The following TXLNG variants were observed in gnomAD, a reference collection of about 807,000 sequenced individuals.
TXLNG encodes gamma-taxilin.
Under a neutral mutation model 38.8 loss-of-function variants are expected in TXLNG, and 5 were observed. The observed-to-expected ratio is 0.13, with a 90% CI of 0.07 to 0.27. The LOEUF is 0.27. Among genes scored for constraint, TXLNG ranks in the 10% least tolerant of loss-of-function variants. The pLI, the probability that TXLNG is intolerant of heterozygous loss-of-function variation, is 1.00. For missense variants in TXLNG, 393 were observed against 398.2 expected (o/e 0.99, Z 0.11); for synonymous variants, 182 against 158.2 (o/e 1.15, Z -1.13).
rs770935388 is a variant in TXLNG at position 16,826,495 on chromosome X, T to C, written c.499-1599T>C. Among the ~76,000 whole-genome samples, 8 of 111,841 alleles carry C rather than the reference T, an allele frequency of 7.2e-5. No homozygotes were observed. The South Asian group carries it at 3.0e-3, about 42-fold the overall frequency. On this transcript the variant is annotated intron_variant, in intron 3 of 9. Coordinates refer to ENST00000380122, the MANE Select transcript of TXLNG (RefSeq NM_018360.3). Reference sequence around the variant, plus strand: ...GATTTAACCTTGAAACAGACTGATTTGTTCCATACCCAAAACTGCAGCAGT... The same window carrying C: ...GATTTAACCTTGAAACAGACTGATTCGTTCCATACCCAAAACTGCAGCAGT...
intron 3 of TXLNG, among the ~76,000 whole-genome samples, chrX:16,823,134 A>G (rs1304836898): frequency 9.0e-6 from 1 of 111,300 alleles, no homozygotes; most frequent in East Asian, 2.8e-4. Flanking sequence ...TTTCCAGAAA[A>G]TGTTCTAAAG....
chrX:16,833,060 A>G (rs1332990219), intron 6 of TXLNG, among the ~76,000 whole-genome samples: 1 of 112,383 alleles, frequency 8.9e-6, no homozygotes. Context: ...CCCATCTTAG[A>G]TAATGGTCAT....
At chrX:16,789,638 C>T (rs1028158444) in intron 1 of TXLNG, among the ~76,000 whole-genome samples, 2 of 103,227 alleles carry the variant, frequency 1.9e-5, no homozygotes, top group Admixed American at 1.1e-4. Context: ...CAGGCTCATT[C>T]GTTTTACTTC....
At chrX:16,826,326 A>T (rs1480794009) in intron 3 of TXLNG, among the ~76,000 whole-genome samples, 1 of 112,295 alleles carries the variant, frequency 8.9e-6, no homozygotes, top group African/African-American at 3.2e-5. Flanking sequence ...ATATCTGTAA[A>T]TGTGGCTGTA....
chrX:16,826,553 T>A (rs1364632282), intron 3 of TXLNG, among the ~76,000 whole-genome samples: 1 of 111,864 alleles, frequency 8.9e-6, no homozygotes, highest in Non-Finnish European at 1.9e-5. Context: ...TGCTGTTTAC[T>A]GAGTTTTAGA....
At chrX:16,816,400 A>C (rs1429433306) in intron 1 of TXLNG, among the ~76,000 whole-genome samples, 1 of 112,726 alleles carries the variant, frequency 8.9e-6, no homozygotes. Context: ...AAGTCTCACT[A>C]TATTGCCCAG....
chrX:16,837,833 T>A (rs890091755), intron 8 of TXLNG, 148 bp downstream of exon 8: 6 of 378,980 alleles, frequency 1.6e-5, no homozygotes, highest in Non-Finnish European at 2.7e-5. Context: ...TTTGGTCATT[T>A]TGCCCTCAAT....
Position 16,840,539 on chromosome X carries a change from C to T in TXLNG, c.1248+623C>T, listed in dbSNP as rs749171229. 44 of 579,302 alleles carry T rather than the reference C, an allele frequency of 7.6e-5. 1 individual carries two copies. The highest frequency in any genetic ancestry group is 1.8e-4 in the South Asian group (2 of 10,957). 47.7% of individuals were successfully genotyped at this position (579,302 alleles called of 1,213,427 possible). The stretch of plus-strand genomic sequence containing the variant: ...CTGTAATCCCAGCACTTTGGGAGGC[C>T]GACGCAGGCGGATCATGAGGTCAAG... On this transcript the variant is annotated intron_variant, in intron 9 of 9. Transcript: ENST00000380122.
At chrX:16,838,973 CAG>C (rs1280407906) in intron 8 of TXLNG, among the ~76,000 whole-genome samples, 2 of 112,018 alleles carry the variant, frequency 1.8e-5, no homozygotes, top group Admixed American at 9.4e-5. Flanking sequence ...ACCCAAGGCA[CAG>C]GGCACTGGCT....
chrX:16,806,380 C>T (rs994905116), intron 1 of TXLNG, among the ~76,000 whole-genome samples: 1 of 112,645 alleles, frequency 8.9e-6, no homozygotes, highest in African/African-American at 3.2e-5. Context: ...CATGGTTGCA[C>T]ATACACTGTT....
At chrX:16,790,403 T>A (rs372058810) in intron 1 of TXLNG, among the ~76,000 whole-genome samples, 3 of 110,443 alleles carry the variant, frequency 2.7e-5, no homozygotes, top group East Asian at 5.7e-4. Flanking sequence ...GGTCCTGCTA[T>A]GTTGCCCAGG....
chrX:16,797,262 C>T (rs1337608251), intron 1 of TXLNG, among the ~76,000 whole-genome samples: 1 of 98,373 alleles, frequency 1.0e-5, no homozygotes, highest in Non-Finnish European at 2.0e-5. Context: ...CCAGCCTGGT[C>T]GACAGAGCAA....
chrX:16,824,948 G>A (rs185208269), intron 3 of TXLNG, among the ~76,000 whole-genome samples: 36 of 108,723 alleles, frequency 3.3e-4, no homozygotes, highest in African/African-American at 9.7e-4. Flanking sequence ...AAAGTGAGAC[G>A]ACATTACAAA....
In TXLNG at chrX:16,843,184, T is replaced by C. The variant is rs931154217; in HGVS notation, c.*1418T>C. 2.7e-5 allele frequency: 3 copies of C among 112,521 alleles called. No individual in the cohort carries two copies. Among genetic ancestry groups the C allele is most frequent in the African/African-American group, 9.7e-5 (3 of 31,032 alleles). 9.3% of individuals were successfully genotyped at this position (112,521 alleles called of 1,213,427 possible). On this transcript the variant is annotated 3_prime_UTR_variant, in exon 10 of 10. Transcript: ENST00000380122. ...AACTATCAGACTGACACTTGTTAAATTGCTTACTGGACTGAATAAACTCTG... is the reference window on the plus strand; with the variant it reads ...AACTATCAGACTGACACTTGTTAAACTGCTTACTGGACTGAATAAACTCTG...
chrX:16,826,842 G>A (rs746925249), intron 3 of TXLNG, among the ~76,000 whole-genome samples: 89 of 110,157 alleles, frequency 8.1e-4, no homozygotes, highest in Non-Finnish European at 1.4e-3. Context: ...TGAGGCAGGA[G>A]AATCGCTTTA....
At chrX:16,841,381 CTGAT>C in intron 9 of TXLNG, 43 bp from the exon 10 acceptor site, 2 of 1,119,310 alleles carry the variant, frequency 1.8e-6, no homozygotes, top group East Asian at 3.0e-5. Flanking sequence ...TTTTTGTAAC[CTGAT>C]TGATATTTAA....
chrX:16,809,598 C>T (rs1366830832), intron 1 of TXLNG, among the ~76,000 whole-genome samples: 4 of 110,443 alleles, frequency 3.6e-5, no homozygotes, highest in Non-Finnish European at 7.6e-5. Flanking sequence ...CCCGCCTCAG[C>T]CTCCCAAAGT....
At chrX:16,802,323 TCA>T (rs1345784958) in intron 1 of TXLNG, among the ~76,000 whole-genome samples, 1 of 102,718 alleles carries the variant, frequency 9.7e-6, no homozygotes, top group African/African-American at 3.6e-5. Flanking sequence ...CAATCTTGGC[TCA>T]CTGCAGCCTC....
chrX:16,811,706 G>A (rs1324235364), intron 1 of TXLNG, among the ~76,000 whole-genome samples: 1 of 105,010 alleles, frequency 9.5e-6, no homozygotes, highest in Non-Finnish European at 1.9e-5. Flanking sequence ...ACCCGATCTC[G>A]GCTCAGTGCA....
Sources: allele counts gnomAD v4.1 joint callset (sites outside exome capture counted in the v4.1 genomes callset), GRCh38; gene constraint gnomAD v4.1.1; transcripts MANE v1.5; gene names NCBI Gene and HGNC (gene_info 2026-07-23, HGNC 2026-07-21).